The following MYO5B variants were observed in gnomAD, a reference collection of about 807,000 sequenced individuals.
The protein encoded by MYO5B is unconventional myosin-Vb.
Under a neutral mutation model 229.3 loss-of-function variants are expected in MYO5B, and 143 were observed. The ratio of observed to expected loss-of-function variants is 0.62; its 90% CI spans 0.54 to 0.72. The LOEUF (loss-of-function observed/expected upper bound fraction) is 0.72, where lower values mean the gene tolerates loss of function less well. Among genes scored for constraint, MYO5B ranks in the 30% least tolerant of loss-of-function variants. The pLI is 0.00. For missense variants in MYO5B, 2,321 were observed against 2,331.0 expected (o/e 1.00, Z 0.09); for synonymous variants, 918 against 885.2 (o/e 1.04, Z -0.66).
intron 21 of MYO5B, among the ~76,000 whole-genome samples, chr18:49,902,090 T>G (rs964535539): frequency 1.3e-5 from 2 of 152,226 alleles, no homozygotes; most frequent in African/African-American, 4.8e-5. Context: ...TGACTCAAGA[T>G]AGCATAAATC....
At chr18:50,024,997 A>G (rs992558400) in intron 4 of MYO5B, among the ~76,000 whole-genome samples, 5 of 152,218 alleles carry the variant, frequency 3.3e-5, no homozygotes, top group Non-Finnish European at 2.9e-5. Flanking sequence ...CCAAGCTTGC[A>G]GCACATTCAG....
At chr18:49,981,494 T>G (rs1379958080) in intron 8 of MYO5B, among the ~76,000 whole-genome samples, 1 of 152,260 alleles carries the variant, frequency 6.6e-6, no homozygotes, top group African/African-American at 2.4e-5. Flanking sequence ...CAACATTAAC[T>G]CTAGGCTTTT....
intron 4 of MYO5B, among the ~76,000 whole-genome samples, chr18:50,009,512 A>G (rs1451817548): frequency 5.3e-5 from 8 of 152,226 alleles, no homozygotes; most frequent in Admixed American, 1.3e-4. Flanking sequence ...TAGTGAGGGA[A>G]GTTAGATAGG....
At chr18:50,143,840 C>A (rs1023734388) in intron 1 of MYO5B, among the ~76,000 whole-genome samples, 1 of 152,192 alleles carries the variant, frequency 6.6e-6, no homozygotes, top group Non-Finnish European at 1.5e-5. Context: ...CTGCCTTAAT[C>A]CATCTGGCAA....
chr18:50,138,592 G>C (rs1388020852), intron 1 of MYO5B, among the ~76,000 whole-genome samples: 3 of 151,530 alleles, frequency 2.0e-5, no homozygotes, highest in Admixed American at 2.0e-4. Flanking sequence ...GAGCTTGCAG[G>C]AATCTCATGC....
At chr18:49,838,183 A>AT (rs1005494991) in intron 36 of MYO5B, among the ~76,000 whole-genome samples, 13 of 152,346 alleles carry the variant, frequency 8.5e-5, no homozygotes, top group Admixed American at 8.5e-4. Context: ...CTAAGCAGCC[A>AT]TTACCTATGC....
chr18:50,055,133 A>G, intron 2 of MYO5B, 135 bp downstream of exon 2: 1 of 677,702 alleles, frequency 1.5e-6, no homozygotes, highest in Non-Finnish European at 2.6e-6. Flanking sequence ...GCAACAAGAA[A>G]GAATCCAAGG....
At chr18:50,062,177 T>A (rs868815946) in intron 1 of MYO5B, among the ~76,000 whole-genome samples, 35 of 149,738 alleles carry the variant, frequency 2.3e-4, no homozygotes, top group Admixed American at 7.3e-4. Flanking sequence ...AAAAAAAAAA[T>A]GTACAAATGC....
chr18:50,159,601 G>A (rs1176028461), intron 1 of MYO5B, among the ~76,000 whole-genome samples: 1 of 152,064 alleles, frequency 6.6e-6, no homozygotes, highest in Non-Finnish European at 1.5e-5. Context: ...CCCACATCAT[G>A]TCAAATCCCA....
At chr18:50,085,873 C>A (rs578112464) in intron 1 of MYO5B, among the ~76,000 whole-genome samples, 4 of 151,016 alleles carry the variant, frequency 2.6e-5, no homozygotes, top group Admixed American at 2.6e-4. Context: ...AATGAGAACA[C>A]ATGGACACAG....
rs577045804 is a variant in MYO5B at position 50,067,121 on chromosome 18, T to C, written c.28-11743A>G. 2.3e-3 allele frequency among the ~76,000 whole-genome samples: 354 copies of C among 152,302 alleles called. 1 individual carries two copies. Among genetic ancestry groups the C allele is most frequent in the African/African-American group, 7.5e-3 (311 of 41,576 alleles). On this transcript the variant is annotated intron_variant, in intron 1 of 39. Transcript: ENST00000285039. ...AGGAGAGATGAGATTGCGTGAAATG[T>C]ACCCTTTATCCACTCTACTATGAAG... is the stretch of plus-strand genomic sequence containing the variant.
intron 17 of MYO5B, among the ~76,000 whole-genome samples, chr18:49,921,264 T>G (rs908778986): frequency 4.2e-4 from 63 of 150,204 alleles, no homozygotes; most frequent in African/African-American, 1.3e-3. Context: ...GAGTTTTTTT[T>G]TTTTTTTTTT....
chr18:50,001,565 C>T (rs2026047622), intron 4 of MYO5B, among the ~76,000 whole-genome samples, 154 bp from the exon 5 acceptor site: 4 of 152,192 alleles, frequency 2.6e-5, no homozygotes, highest in Admixed American at 2.6e-4. Flanking sequence ...AGTCTGCCCT[C>T]CCCGACACCT....
chr18:50,163,690 G>A (rs2144323544), intron 1 of MYO5B, among the ~76,000 whole-genome samples: 1 of 152,324 alleles, frequency 6.6e-6, no homozygotes, highest in South Asian at 2.1e-4. Flanking sequence ...CTAAAAACAA[G>A]TTGGGCAGAA....
At chr18:49,858,700 A>G (rs2024292482) in intron 29 of MYO5B, among the ~76,000 whole-genome samples, 1 of 152,238 alleles carries the variant, frequency 6.6e-6, no homozygotes, top group Non-Finnish European at 1.5e-5. Flanking sequence ...TACTCCCAGA[A>G]TTCTTAATTC....
intron 1 of MYO5B, among the ~76,000 whole-genome samples, chr18:50,118,159 A>G (rs1365864059): frequency 6.6e-6 from 1 of 152,138 alleles, no homozygotes. Context: ...CCCGCCCCCA[A>G]CTAAACCCTG....
At chr18:50,149,655 C>T (rs1177485588) in intron 1 of MYO5B, among the ~76,000 whole-genome samples, 104 of 150,126 alleles carry the variant, frequency 6.9e-4, no homozygotes, top group African/African-American at 2.5e-3. Context: ...AAACTGGATC[C>T]CTTCCTTACA....
intron 2 of MYO5B, among the ~76,000 whole-genome samples, chr18:50,046,533 G>A (rs1308240803): frequency 1.3e-5 from 2 of 152,136 alleles, no homozygotes; most frequent in Non-Finnish European, 2.9e-5. Context: ...CATGGATGCA[G>A]GGGTTTTCTC....
At chr18:50,190,514 A>C (rs560002526) in intron 1 of MYO5B, among the ~76,000 whole-genome samples, 1 of 152,330 alleles carries the variant, frequency 6.6e-6, no homozygotes, top group South Asian at 2.1e-4. Flanking sequence ...CTCTTTCTCC[A>C]TCCAGAAAAA....
Sources: allele counts gnomAD v4.1 joint callset (sites outside exome capture counted in the v4.1 genomes callset), GRCh38; gene constraint gnomAD v4.1.1; transcripts MANE v1.5; gene names NCBI Gene and HGNC (gene_info 2026-07-23, HGNC 2026-07-21).